CD247: variants seen among roughly 807,000 people sequenced by gnomAD.
CD247 encodes CD247 molecule.
In CD247, 13 loss-of-function variants were observed where a neutral mutation model predicts 30.0. The observed-to-expected ratio is 0.43, with a 90% CI of 0.28 to 0.69. The LOEUF (loss-of-function observed/expected upper bound fraction) is 0.69. CD247 is among the 30% of genes least tolerant of loss of function. The pLI is 0.16. For synonymous variants in CD247, 72 were observed against 80.0 expected, an observed-to-expected ratio of 0.90 and a Z score of 0.53; for missense variants, 193 against 212.6, an observed-to-expected ratio of 0.91 and a Z score of 0.57.
chr1:167,505,885 A>T (rs1041832592), intron 1 of CD247, among the ~76,000 whole-genome samples: 1 of 152,238 alleles, frequency 6.6e-6, no homozygotes, highest in Non-Finnish European at 1.5e-5. Flanking sequence ...ATTCTAGTGT[A>T]GGGTCTCATC....
intron 1 of CD247, among the ~76,000 whole-genome samples, chr1:167,461,434 C>T (rs1424235946): frequency 6.6e-6 from 1 of 152,236 alleles, no homozygotes; most frequent in Non-Finnish European, 1.5e-5. Context: ...GAAGAAATTA[C>T]AGCAACTGTT....
intron 1 of CD247, among the ~76,000 whole-genome samples, chr1:167,505,695 A>C (rs1406477031): frequency 6.6e-6 from 1 of 152,214 alleles, no homozygotes; most frequent in Non-Finnish European, 1.5e-5. Flanking sequence ...GTGGAGGGAG[A>C]CCAAGGTAGG....
At chr1:167,472,771 C>T (rs1653583385) in intron 1 of CD247, among the ~76,000 whole-genome samples, 1 of 152,166 alleles carries the variant, frequency 6.6e-6, no homozygotes. Flanking sequence ...GGAGACACAA[C>T]ATTACTAATC....
chr1:167,449,005 T>A (rs937363886), intron 1 of CD247, among the ~76,000 whole-genome samples: 1 of 152,160 alleles, frequency 6.6e-6, no homozygotes, highest in Non-Finnish European at 1.5e-5. Context: ...TTCCCATAGA[T>A]AAGGGTTCCA....
rs76665632 is a variant in CD247 at position 167,463,178 on chromosome 1, A to G, written c.59-22411T>C. ...TCGGCTGGTTAGCATAGGAGGTCAC[A>G]CTATCTGTTCTGGTGCAGGAATTGT... is the stretch of plus-strand genomic sequence containing the variant. On this transcript the variant is annotated intron_variant, in intron 1 of 7. Coordinates refer to ENST00000362089, the MANE Select transcript of CD247 (RefSeq NM_198053.3). 3.0e-4 allele frequency among the ~76,000 whole-genome samples: 45 copies of G among 152,256 alleles called. 1 individual carries two copies. In the East Asian group the frequency reaches 7.3e-3, roughly 25 times the overall value.
At chr1:167,490,443 T>C (rs1654399968) in intron 1 of CD247, among the ~76,000 whole-genome samples, 1 of 151,104 alleles carries the variant, frequency 6.6e-6, no homozygotes, top group Non-Finnish European at 1.5e-5. Flanking sequence ...GCCAACATGG[T>C]GAAACCCCAT....
At chr1:167,444,594 C>T (rs1378461495) in intron 1 of CD247, among the ~76,000 whole-genome samples, 7 of 152,164 alleles carry the variant, frequency 4.6e-5, no homozygotes. Flanking sequence ...CCGCCCTCTC[C>T]CCTGAGGCTC....
intron 1 of CD247, among the ~76,000 whole-genome samples, chr1:167,456,152 T>G (rs1652655863): frequency 6.6e-6 from 1 of 152,174 alleles, no homozygotes; most frequent in Non-Finnish European, 1.5e-5. Flanking sequence ...GAGCAAAAGT[T>G]TCAGGGCTTT....
At chr1:167,484,551 C>T (rs1032184465) in intron 1 of CD247, among the ~76,000 whole-genome samples, 2 of 152,170 alleles carry the variant, frequency 1.3e-5, no homozygotes, top group Admixed American at 6.5e-5. Flanking sequence ...CCAAGGCGGG[C>T]GGATCACCTG....
At chr1:167,439,877 G>A (rs840015) in intron 2 of CD247, 50,246 of 173,890 alleles carry the variant, frequency 0.29, 8,941 homozygotes, top group Middle Eastern at 0.49. Context: ...CGGCTGCCCC[G>A]GTGCCCAGGA....
intron 1 of CD247, among the ~76,000 whole-genome samples, chr1:167,493,133 C>T (rs1166698529): frequency 1.4e-5 from 2 of 145,944 alleles, no homozygotes; most frequent in African/African-American, 2.5e-5. Context: ...ACTGCCACCT[C>T]CTGGGTTCAA....
At chr1:167,471,901 C>T (rs1313359393) in intron 1 of CD247, among the ~76,000 whole-genome samples, 2 of 139,494 alleles carry the variant, frequency 1.4e-5, no homozygotes, top group African/African-American at 2.7e-5. Flanking sequence ...AGTGCGATCT[C>T]GGCTCACTGC....
At chr1:167,503,990 T>A (rs1483396855) in intron 1 of CD247, among the ~76,000 whole-genome samples, 2 of 152,186 alleles carry the variant, frequency 1.3e-5, no homozygotes, top group Non-Finnish European at 2.9e-5. Context: ...CTTCTCCATG[T>A]GGCAGACAAA....
intron 1 of CD247, among the ~76,000 whole-genome samples, chr1:167,512,809 G>C (rs770534604): frequency 1.3e-5 from 2 of 152,196 alleles, no homozygotes; most frequent in Admixed American, 1.3e-4. Context: ...CTCTGAGGTC[G>C]GGAGGGGAAG....
intron 1 of CD247, among the ~76,000 whole-genome samples, chr1:167,463,872 G>A (rs35391764): frequency 0.023 from 3,506 of 152,218 alleles, 144 homozygotes; most frequent in African/African-American, 0.08. Flanking sequence ...AATTTACAGG[G>A]GATGGTCAGA....
intron 1 of CD247, among the ~76,000 whole-genome samples, chr1:167,476,594 G>A (rs535835737): frequency 8.5e-5 from 13 of 152,244 alleles, no homozygotes; most frequent in Admixed American, 3.3e-4. Context: ...AGGCCTAGGC[G>A]GGCAGATCTC....
chr1:167,448,980 C>A (rs75104707), intron 1 of CD247, among the ~76,000 whole-genome samples: 3,021 of 152,192 alleles, frequency 0.02, 101 homozygotes, highest in African/African-American at 0.069. Flanking sequence ...TTCAAAACTA[C>A]CTACAAATTA....
At chr1:167,517,028 C>A (rs531359542) in intron 1 of CD247, among the ~76,000 whole-genome samples, 58 of 152,306 alleles carry the variant, frequency 3.8e-4, no homozygotes, top group Middle Eastern at 3.4e-3. Flanking sequence ...AGCTATTGCC[C>A]CTGGCTGTCT....
intron 1 of CD247, among the ~76,000 whole-genome samples, chr1:167,507,271 G>A (rs999514344): frequency 2.0e-5 from 3 of 151,622 alleles, no homozygotes; most frequent in African/African-American, 7.3e-5. Flanking sequence ...ATTGGAGAGA[G>A]AGATGATGAC....
Sources: allele counts gnomAD v4.1 joint callset (sites outside exome capture counted in the v4.1 genomes callset), GRCh38; gene constraint gnomAD v4.1.1; transcripts MANE v1.5; gene names NCBI Gene and HGNC (gene_info 2026-07-23, HGNC 2026-07-21).